The following DMD variants were observed in gnomAD, a reference collection of about 807,000 sequenced individuals.
DMD encodes mutant dystrophin.
In DMD, 63 loss-of-function variants were observed where a neutral mutation model predicts 330.1. That is an observed-to-expected ratio of 0.19 (90% CI 0.16 to 0.24). DMD has a LOEUF of 0.24. Among genes scored for constraint, DMD ranks in the 10% least tolerant of loss-of-function variants. DMD has a pLI of 1.00. For synonymous variants in DMD, 1,223 were observed against 959.8 expected, an observed-to-expected ratio of 1.27 and a Z score of -5.07; for missense variants, 3,344 against 2,684.1, an observed-to-expected ratio of 1.25 and a Z score of -5.43.
At chrX:32,413,946 C>T (rs1475651414) in intron 29 of DMD, among the ~76,000 whole-genome samples, 1 of 109,994 alleles carries the variant, frequency 9.1e-6, no homozygotes, top group South Asian at 3.9e-4. Context: ...GTCTCAAACT[C>T]CTGACCTAAG....
chrX:31,254,308 A>G (rs1250815093), intron 63 of DMD, among the ~76,000 whole-genome samples: 1 of 108,080 alleles, frequency 9.3e-6, no homozygotes, highest in African/African-American at 3.4e-5. Flanking sequence ...TTGGGGAACC[A>G]CATATTTTAT....
At chrX:31,897,631 G>A (rs1489033393) in intron 47 of DMD, among the ~76,000 whole-genome samples, 3 of 87,029 alleles carry the variant, frequency 3.4e-5, no homozygotes, top group African/African-American at 1.3e-4. Flanking sequence ...GGTGTGAGAT[G>A]GTATCTCATT....
intron 55 of DMD, among the ~76,000 whole-genome samples, chrX:31,519,559 C>T (rs1395378308): frequency 3.6e-5 from 4 of 111,273 alleles, no homozygotes; most frequent in Non-Finnish European, 5.7e-5. Flanking sequence ...AATACTCCCA[C>T]GCAACCACAA....
At chrX:32,161,113 A>C (rs1010162771) in intron 44 of DMD, among the ~76,000 whole-genome samples, 14 of 111,578 alleles carry the variant, frequency 1.3e-4, no homozygotes, top group Non-Finnish European at 2.3e-4. Flanking sequence ...ACAGCGGGCA[A>C]TGAGCTCGCA....
chrX:32,263,556 A>T (rs1378867456), intron 43 of DMD, among the ~76,000 whole-genome samples: 1 of 112,437 alleles, frequency 8.9e-6, no homozygotes. Context: ...AATTAACTAT[A>T]TGCTAACTGT....
intron 44 of DMD, among the ~76,000 whole-genome samples, chrX:32,189,721 C>G (rs2096963748): frequency 9.1e-6 from 1 of 109,917 alleles, no homozygotes; most frequent in Admixed American, 9.8e-5. Context: ...TTGGATAAAA[C>G]TGAGGCATGA....
chrX:32,744,172 G>A (rs1445680026), intron 7 of DMD, among the ~76,000 whole-genome samples: 1 of 109,769 alleles, frequency 9.1e-6, no homozygotes, highest in East Asian at 2.9e-4. Context: ...CCATCTTCTA[G>A]GAAGGATAAC....
chrX:32,031,727 C>T (rs957768726), intron 44 of DMD, among the ~76,000 whole-genome samples: 3 of 111,670 alleles, frequency 2.7e-5, no homozygotes, highest in East Asian at 2.8e-4. Flanking sequence ...ATGGAAACAG[C>T]GGAAGGGGAG....
chrX:31,153,334 T>C (rs1381484668), intron 74 of DMD, among the ~76,000 whole-genome samples: 1 of 112,225 alleles, frequency 8.9e-6, no homozygotes, highest in African/African-American at 3.2e-5. Context: ...TGTATGTGTC[T>C]CTCTCTAGGT....
chrX:31,566,571 G>T (rs753108930), intron 55 of DMD, among the ~76,000 whole-genome samples: 1 of 111,699 alleles, frequency 9.0e-6, no homozygotes, highest in Non-Finnish European at 1.9e-5. Flanking sequence ...GACTGTTTTA[G>T]TTATTCTGTG....
At chrX:31,554,157 CAT>C (rs1292817295) in intron 55 of DMD, among the ~76,000 whole-genome samples, 1 of 112,035 alleles carries the variant, frequency 8.9e-6, no homozygotes, top group Non-Finnish European at 1.9e-5. Flanking sequence ...GTCTAAGAAA[CAT>C]GTAGAAGAGC....
chrX:31,990,870 C>T (rs1436773488), intron 44 of DMD, among the ~76,000 whole-genome samples: 1 of 111,854 alleles, frequency 8.9e-6, no homozygotes, highest in Non-Finnish European at 1.9e-5. Context: ...TATAAAAAGT[C>T]AAATAAAGTT....
rs1402046857 is a variant in DMD at position 33,108,177 on chromosome X, G to GT, written c.32-87978_32-87977insA. ...TTTAATCCCTATTTTAATTTTATTA[G>GT]GTTTTTTTTTCAGTTCTACTTTACA... On this transcript the variant is annotated intron_variant, in intron 1 of 78. Coordinates refer to ENST00000357033, the MANE Select transcript of DMD (RefSeq NM_004006.3). Among the ~76,000 whole-genome samples the GT allele has an allele frequency of 1.7e-4, 4 of 22,883 alleles. No individual in the cohort carries two copies. In the Admixed American group the frequency reaches 2.2e-3, roughly 13 times the overall value. The allele number at this position is 22,883 out of a possible 115,157, so 19.9% of individuals were successfully genotyped here.
chrX:32,928,438 C>T (rs1388691511), intron 2 of DMD, among the ~76,000 whole-genome samples: 1 of 111,200 alleles, frequency 9.0e-6, no homozygotes, highest in African/African-American at 3.3e-5. Context: ...AATTCAATAG[C>T]ATGACTGCTT....
Position 32,629,931 on chromosome X carries a change from T to A in DMD, c.1331+14201A>T, listed in dbSNP as rs922869271. On this transcript the variant is annotated intron_variant, in intron 11 of 78. Coordinates refer to ENST00000357033, the MANE Select transcript of DMD (RefSeq NM_004006.3). Reference sequence around the variant, plus strand: ...TTTTGATAGGTTCGTCTTTTAGTCTTTTTACTCAAGATATGGGTAGTTGAG... The same window carrying A: ...TTTTGATAGGTTCGTCTTTTAGTCTATTTACTCAAGATATGGGTAGTTGAG... Among the ~76,000 whole-genome samples the A allele has an allele frequency of 7.2e-5, 8 of 111,487 alleles. No homozygotes were observed. The Admixed American group carries it at 7.7e-4, about 11-fold the overall frequency.
intron 61 of DMD, among the ~76,000 whole-genome samples, chrX:31,339,855 G>A (rs1484098958): frequency 1.8e-5 from 2 of 112,563 alleles, no homozygotes; most frequent in Non-Finnish European, 3.8e-5. Context: ...GATTACTGGC[G>A]TGAGCCACCG....
intron 41 of DMD, among the ~76,000 whole-genome samples, chrX:32,315,664 G>T (rs1232850708): frequency 9.0e-6 from 1 of 111,359 alleles, no homozygotes; most frequent in East Asian, 2.8e-4. Context: ...AGGGCTTAAA[G>T]AATGTAGGCA....
At chrX:32,154,623 G>C (rs1202056127) in intron 44 of DMD, among the ~76,000 whole-genome samples, 2 of 111,556 alleles carry the variant, frequency 1.8e-5, no homozygotes, top group South Asian at 3.7e-4. Flanking sequence ...AACTGAGAAG[G>C]CTGCTTTCAG....
In DMD at chrX:31,173,856, CA is replaced by C. The variant is rs1413942523; in HGVS notation, c.10263-253del. On this transcript the variant is annotated intron_variant, in intron 71 of 78. Coordinates refer to ENST00000357033, the MANE Select transcript of DMD (RefSeq NM_004006.3). ...GCCAAAATCTTCTCTGGAAAATTCCCATCGTAGAAAAGGTTGGGGGAGACAG... is the reference window on the plus strand; with the variant it reads ...GCCAAAATCTTCTCTGGAAAATTCCCTCGTAGAAAAGGTTGGGGGAGACAG... 2.4e-4 allele frequency among the ~76,000 whole-genome samples: 27 copies of C among 111,809 alleles called. 1 individual carries two copies. Among genetic ancestry groups the C allele is most frequent in the Non-Finnish European group, 7.6e-5 (4 of 52,905 alleles).
Sources: allele counts gnomAD v4.1 joint callset (sites outside exome capture counted in the v4.1 genomes callset), GRCh38; gene constraint gnomAD v4.1.1; transcripts MANE v1.5; gene names NCBI Gene and HGNC (gene_info 2026-07-23, HGNC 2026-07-21).